Variants in MS4A15 observed in about 807,000 individuals in gnomAD.
The protein encoded by MS4A15 is membrane spanning 4-domains A15.
MS4A15 carries 22 observed loss-of-function variants against 20.6 expected under a neutral mutation model. That is an observed-to-expected ratio of 1.07 (90% CI 0.76 to 1.52). The LOEUF is 1.52. MS4A15 is among the 40% of genes most tolerant of loss of function. MS4A15 has a pLI of 0.00. For missense variants in MS4A15, 312 were observed against 323.0 expected (o/e 0.97, Z 0.26); for synonymous variants, 129 against 129.3 (o/e 1.00, Z 0.02).
At chr11:60,772,773 G>A (rs1854074844) in intron 4 of MS4A15, among the ~76,000 whole-genome samples, 1 of 152,066 alleles carries the variant, frequency 6.6e-6, no homozygotes, top group African/African-American at 2.4e-5. Flanking sequence ...GTGGCTGCCT[G>A]GACCACCCCA....
intron 1 of MS4A15, among the ~76,000 whole-genome samples, chr11:60,760,656 A>G (rs2134700212): frequency 6.6e-6 from 1 of 152,326 alleles, no homozygotes; most frequent in South Asian, 2.1e-4. Context: ...AACTTTGGCA[A>G]TAAGATCAAC....
At chr11:60,760,539 A>G (rs185501131) in intron 1 of MS4A15, among the ~76,000 whole-genome samples, 55 of 152,290 alleles carry the variant, frequency 3.6e-4, no homozygotes, top group African/African-American at 1.3e-3. Flanking sequence ...AAAACTAAAG[A>G]TGCAGTTGCT....
In MS4A15 at chr11:60,757,872, C is replaced by T. The variant is rs1853632727; in HGVS notation, c.-29+814C>T. On this transcript the variant is annotated intron_variant, in intron 1 of 6. Coordinates refer to ENST00000405633, the MANE Select transcript of MS4A15 (RefSeq NM_001098835.2). The stretch of plus-strand genomic sequence containing the variant: ...GGAGACTCTGAGGCGCTTTTTGGCG[C>T]ATTCCCTGTTATTGTTCAAAGCAAC... Among the ~76,000 whole-genome samples, 2 of 152,218 alleles carry T rather than the reference C, an allele frequency of 1.3e-5. 1 individual carries two copies. Among genetic ancestry groups the T allele is most frequent in the South Asian group, 4.1e-4 (2 of 4,832 alleles).
At chr11:60,771,592 C>T in intron 4 of MS4A15, 1 of 1,512,164 alleles carries the variant, frequency 6.6e-7, no homozygotes, top group Non-Finnish European at 8.8e-7. Flanking sequence ...TGCTCATGGT[C>T]ATTCCGAGAA....
chr11:60,773,765 A>G (rs997517398), intron 5 of MS4A15, 72 bp from the exon 6 acceptor site: 6 of 1,272,342 alleles, frequency 4.7e-6, no homozygotes, highest in Non-Finnish European at 5.8e-6. Flanking sequence ...ACCTTGGGCA[A>G]GTGGTTCTCA....
intron 4 of MS4A15, chr11:60,771,749 G>A (rs1020413743): frequency 8.1e-6 from 10 of 1,228,572 alleles, no homozygotes; most frequent in Admixed American, 3.0e-5. Flanking sequence ...TCCATCCAAC[G>A]AAGGCAAAGG....
chr11:60,775,744 T>C lies in MS4A15; in HGVS notation c.*29T>C. 1 of 1,573,272 alleles carries C rather than the reference T, an allele frequency of 6.4e-7. No individual in the cohort carries two copies. The highest frequency in any genetic ancestry group is 8.7e-7 in the Non-Finnish European group (1 of 1,147,176). ...GCAGATGTGGCACCTGCGGGTGGAG[T>C]CCAGCCTTTTCCCTCTGGGCCCAGC... On this transcript the variant is annotated 3_prime_UTR_variant, in exon 7 of 7. Coordinates refer to ENST00000405633, the MANE Select transcript of MS4A15 (RefSeq NM_001098835.2).
rs1305926130 is a variant in MS4A15, at chr11:60,775,682, T to C, written c.690T>C (p.Tyr230=). The stretch of plus-strand genomic sequence containing the variant: ...CGGCAGCCTCTGCGCCCCCTGCCTA[T>C]GACAATGTGGCATATGCCCAAGGAG... ...PSPAASAPPA[Y]DNVAYAQGVV is the part of the protein sequence containing the mutation. The change falls in exon 7 of 7, where the codon TAT becomes TAC. Residue 230 remains tyrosine, a synonymous_variant. Coordinates refer to ENST00000405633, the MANE Select transcript of MS4A15 (RefSeq NM_001098835.2). 3.7e-6 allele frequency: 6 copies of C among 1,613,940 alleles called. No homozygotes were observed. In the East Asian group the frequency reaches 1.3e-4, roughly 36 times the overall value.
intron 1 of MS4A15, among the ~76,000 whole-genome samples, chr11:60,763,188 T>C (rs1853791410): frequency 6.6e-6 from 1 of 152,196 alleles, no homozygotes; most frequent in African/African-American, 2.4e-5. Context: ...ACATCAATGG[T>C]AATTGCTTGG....
chr11:60,762,654 A>G (rs574148849), intron 1 of MS4A15, among the ~76,000 whole-genome samples: 1 of 152,198 alleles, frequency 6.6e-6, no homozygotes, highest in South Asian at 2.1e-4. Flanking sequence ...CTGTGCTGTC[A>G]CTCAGTGCAT....
chr11:60,761,302 CT>C (rs1164206843), intron 1 of MS4A15, among the ~76,000 whole-genome samples: 2 of 152,164 alleles, frequency 1.3e-5, no homozygotes, highest in African/African-American at 2.4e-5. Context: ...TCAGGAGTAT[CT>C]TTACTATCAG....
intron 3 of MS4A15, among the ~76,000 whole-genome samples, chr11:60,768,463 A>G (rs1041635443): frequency 6.6e-6 from 1 of 152,176 alleles, no homozygotes; most frequent in African/African-American, 2.4e-5. Flanking sequence ...GCCAACATTA[A>G]AGGGCACTTG....
intron 1 of MS4A15, among the ~76,000 whole-genome samples, chr11:60,758,204 G>A (rs934315276): frequency 3.3e-5 from 5 of 152,092 alleles, no homozygotes; most frequent in South Asian, 2.1e-4. Flanking sequence ...TCAGACTCAG[G>A]GTCAAGCAGG....
intron 1 of MS4A15, among the ~76,000 whole-genome samples, chr11:60,760,962 T>C (rs886709943): frequency 6.6e-6 from 1 of 152,142 alleles, no homozygotes; most frequent in Non-Finnish European, 1.5e-5. Context: ...CTGGGGGTAA[T>C]TGGGAAAACT....
chr11:60,759,844 T>C (rs1176224746), intron 1 of MS4A15, among the ~76,000 whole-genome samples: 5 of 152,108 alleles, frequency 3.3e-5, no homozygotes, highest in Non-Finnish European at 7.4e-5. Context: ...ACTCACATGT[T>C]TTCCTGCTGA....
rs1237627346 is a variant in MS4A15, at chr11:60,765,882, A to G, written c.226-1651A>G. On this transcript the variant is annotated intron_variant, in intron 2 of 6. Coordinates refer to ENST00000405633, the MANE Select transcript of MS4A15 (RefSeq NM_001098835.2). ...CTGGGAACCAGAGCTCTCCCCCTCCAAAAAAAAAAAAAAAATTGATGAGAC... is the reference window on the plus strand; with the variant it reads ...CTGGGAACCAGAGCTCTCCCCCTCCGAAAAAAAAAAAAAAATTGATGAGAC... Among the ~76,000 whole-genome samples, 4 of 254 alleles carry G rather than the reference A, an allele frequency of 0.016. No individual in the cohort carries two copies. In the Admixed American group the frequency reaches 0.33, roughly 21 times the overall value. The allele number at this position is 254 out of a possible 152,430, so 0.2% of individuals were successfully genotyped here.
At chr11:60,761,314 T>C (rs10897111) in intron 1 of MS4A15, among the ~76,000 whole-genome samples, 151,413 of 152,264 alleles carry the variant, frequency 0.99, 75,289 homozygotes, top group Middle Eastern at 1. Context: ...TTACTATCAG[T>C]GTAAAAGGGA....
rs1402010617 is a variant in MS4A15, at chr11:60,767,637, C to A, written c.330C>A (p.Pro110=). 6.4e-7 allele frequency: 1 copy of A among 1,554,204 alleles called. No homozygotes were observed. The highest frequency in any genetic ancestry group is 2.4e-5 in the East Asian group (1 of 41,928). ...TCTTCTTCATCGAGGGCGGCGTCCC[C>A]TTCTGGGGAGGAGCCTGCGTGAGTG... The part of the protein sequence containing the change: ...VGIFFIEGGV[P]FWGGACFIIS... The change falls in exon 3 of 7, where the codon CCC becomes CCA. Residue 110 remains proline (P), a synonymous_variant. Coordinates refer to ENST00000405633, the MANE Select transcript of MS4A15 (RefSeq NM_001098835.2).
chr11:60,770,453 C>CTGGGTG (rs1854004952), intron 3 of MS4A15, among the ~76,000 whole-genome samples: 1 of 151,772 alleles, frequency 6.6e-6, no homozygotes, highest in African/African-American at 2.4e-5. Context: ...CCAAAATTAG[C>CTGGGTG]TGGGTGTGGT....
Sources: gnomAD v4.1 joint callset for allele counts (sites outside exome capture counted in the v4.1 genomes callset) on GRCh38, gnomAD v4.1.1 for gene constraint, MANE v1.5 for transcripts, NCBI Gene and HGNC (gene_info 2026-07-23, HGNC 2026-07-21) for gene names.